MMACHC: variants seen among roughly 807,000 people sequenced by gnomAD.
MMACHC encodes the protein cyanocobalamin reductase / alkylcobalamin dealkylase.
MMACHC carries 14 observed loss-of-function variants against 17.6 expected under a neutral mutation model. That is an observed-to-expected ratio of 0.80 (90% CI 0.53 to 1.25). The LOEUF is 1.25. MMACHC is among the 50% of genes most tolerant of loss of function. MMACHC has a pLI of 0.00. For synonymous variants in MMACHC, 151 were observed against 142.1 expected (o/e 1.06, Z -0.45); for missense variants, 392 against 364.5 (o/e 1.08, Z -0.62).
At chr1:45,502,033 A>G (rs945503282) in intron 1 of MMACHC, among the ~76,000 whole-genome samples, 1 of 152,236 alleles carries the variant, frequency 6.6e-6, no homozygotes, top group East Asian at 1.9e-4. Context: ...TGATCTAAAA[A>G]TGATCATGCT....
rs1643696753 is a variant in MMACHC at position 45,509,416 on chromosome 1, G to GTTTTTTGTTTTT, written c.*207_*208insGTTTTTTTTTTT. The GTTTTTTGTTTTT allele has an allele frequency of 2.9e-6, 1 of 344,414 alleles. No individual in the cohort carries two copies. Among genetic ancestry groups the GTTTTTTGTTTTT allele is most frequent in the African/African-American group, 2.8e-5 (1 of 35,536 alleles). The allele number at this position is 344,414 out of a possible 1,614,324, so 21.3% of individuals were successfully genotyped here. Reference sequence around the variant, plus strand: ...AGAATTCCCATCTGCCTTCAAATGAGTTTTTTTTTTTTTTTTAGACAGAGT... The same window carrying GTTTTTTGTTTTT: ...AGAATTCCCATCTGCCTTCAAATGAGTTTTTTGTTTTTTTTTTTTTTTTTTTTTAGACAGAGT... On this transcript the variant is annotated 3_prime_UTR_variant, in exon 4 of 4. Coordinates refer to ENST00000401061, the MANE Select transcript of MMACHC (RefSeq NM_015506.3).
chr1:45,503,692 C>T (rs1489607803), intron 1 of MMACHC, among the ~76,000 whole-genome samples: 2 of 152,168 alleles, frequency 1.3e-5, no homozygotes, highest in Non-Finnish European at 2.9e-5. Context: ...ACAGACTTCA[C>T]TTATCTGTTA....
intron 1 of MMACHC, among the ~76,000 whole-genome samples, chr1:45,505,071 A>G (rs1419238173): frequency 1.4e-5 from 2 of 144,394 alleles, no homozygotes; most frequent in Non-Finnish European, 3.0e-5. Context: ...AGCCAACATC[A>G]TGCCACTGTA....
In MMACHC at chr1:45,512,062, T is replaced by C. The variant is rs368574876; in HGVS notation, c.*2847T>C. The C allele has an allele frequency of 4.3e-5, 6 of 140,066 alleles. No homozygotes were observed. Among genetic ancestry groups the C allele is most frequent in the African/African-American group, 1.6e-4 (6 of 38,138 alleles). The allele number at this position is 140,066 out of a possible 1,614,324, so 8.7% of individuals were successfully genotyped here. ...AAATGAGGCAAGGGGACTAATCTCTTATTTTTCTTTTTTTTTTTTTTTTTT... is the reference window on the plus strand; with the variant it reads ...AAATGAGGCAAGGGGACTAATCTCTCATTTTTCTTTTTTTTTTTTTTTTTT... On this transcript the variant is annotated 3_prime_UTR_variant, in exon 4 of 4. Transcript: ENST00000401061.
rs150550487 is a variant in MMACHC at position 45,511,315 on chromosome 1, A to G, written c.*2100A>G. On this transcript the variant is annotated 3_prime_UTR_variant, in exon 4 of 4. Coordinates refer to ENST00000401061, the MANE Select transcript of MMACHC (RefSeq NM_015506.3). ...GGCTGCCCACCGCAGCCTGGCACTA[A>G]AACAGCCCAGCGCTCACTTCTGCTT... is the stretch of plus-strand genomic sequence containing the variant. 6 of 1,597,332 alleles carry G rather than the reference A, an allele frequency of 3.8e-6. No individual in the cohort carries two copies. The East Asian group carries it at 1.4e-4, about 36-fold the overall frequency.
chr1:45,511,689 C>A lies in MMACHC; in HGVS notation c.*2474C>A. ...AAAAGGCAAAGTTTAAATAATTTGC[C>A]AACACTCTCTAATCCTTAAGGGGAA... is the stretch of plus-strand genomic sequence containing the variant. On this transcript the variant is annotated 3_prime_UTR_variant, in exon 4 of 4. Coordinates refer to ENST00000401061, the MANE Select transcript of MMACHC (RefSeq NM_015506.3). 6 of 290,608 alleles carry A rather than the reference C, an allele frequency of 2.1e-5. No individual in the cohort carries two copies. Among genetic ancestry groups the A allele is most frequent in the Non-Finnish European group, 3.2e-5 (5 of 157,410 alleles). 18.0% of individuals were successfully genotyped at this position (290,608 alleles called of 1,614,324 possible).
chr1:45,510,382 A>G lies in MMACHC; in HGVS notation c.*1167A>G, dbSNP rs1477179466. On this transcript the variant is annotated 3_prime_UTR_variant, in exon 4 of 4. Transcript: ENST00000401061. ...CCAGCTGACAGCCTCTCTGAGGACAATGACATATGAATGAGGATCAAAACG... is the reference window on the plus strand; with the variant it reads ...CCAGCTGACAGCCTCTCTGAGGACAGTGACATATGAATGAGGATCAAAACG... 6.6e-6 allele frequency: 1 copy of G among 152,194 alleles called. No homozygotes were observed. The highest frequency in any genetic ancestry group is 1.5e-5 in the Non-Finnish European group (1 of 68,042). The allele number at this position is 152,194 out of a possible 1,614,324, so 9.4% of individuals were successfully genotyped here.
rs796051996 is a variant in MMACHC, at chr1:45,508,355, G to A, written c.420G>A (p.Trp140Ter). Residue 140 changes from tryptophan (W) to a stop codon, truncating the protein, a stop_gained, in exon 3 of 4, where the codon TGG becomes TGA. Transcript: ENST00000401061. LOFTEE classifies it low-confidence loss of function (END_TRUNC). ...GACAAGATGTGGAGGCTGACCCATG[G>A]GGGAACCAGGTGAGAGGGAAAATGT... ...YQRQDVEADP[W>*]GNQRISGVCI... The A allele has an allele frequency of 7.4e-6, 12 of 1,614,070 alleles. No individual in the cohort carries two copies. The highest frequency in any genetic ancestry group is 1.3e-5 in the African/African-American group (1 of 74,928).
rs1231620127 is a variant in MMACHC at position 45,509,185 on chromosome 1, G to C, written c.819G>C (p.Arg273Ser). Residue 273 changes from arginine to serine, a missense_variant, in exon 4 of 4, where the codon AGG becomes AGC. Arg to Ser is a moderately radical substitution (Grantham distance 110, BLOSUM62 -1). Transcript: ENST00000401061. ...GAGCCCGGAGCTGGCTCAGCCCCAG[G>C]GTCTCACCACCTGCATCCCCTGGCC... ...PSRARSWLSP[R>S]VSPPASPGP The C allele has an allele frequency of 3.7e-6, 6 of 1,613,944 alleles. No homozygotes were observed. The highest frequency in any genetic ancestry group is 2.2e-5 in the East Asian group (1 of 44,864).
In MMACHC at chr1:45,509,110, G is replaced by A. The variant is rs866672378; in HGVS notation, c.744G>A (p.Pro248=). ...CAGAGAAGCCTAGTTCTCCCTCCCC[G>A]GACCTTCCCTTTACCACACCCGCCC... ...QPSEKPSSPS[P]DLPFTTPAPK... is the part of the protein sequence containing the mutation. Residue 248 remains proline (P), a synonymous_variant, in exon 4 of 4, where the codon CCG becomes CCA. Transcript: ENST00000401061. 46 of 1,612,140 alleles carry A rather than the reference G, an allele frequency of 2.9e-5. No individual in the cohort carries two copies. In the Middle Eastern group the frequency reaches 1.8e-3, roughly 64 times the overall value.
chr1:45,500,789 A>AT (rs1231173835), intron 1 of MMACHC, among the ~76,000 whole-genome samples: 5 of 149,034 alleles, frequency 3.4e-5, no homozygotes, highest in Non-Finnish European at 7.4e-5. Flanking sequence ...GCTTGAACCC[A>AT]TGAGACGGAG....
At position 45,508,879 on chromosome 1, in the gene MMACHC, G is replaced by A; in HGVS notation, c.513G>A (p.Val171=). The change falls in exon 4 of 4, where the codon GTG becomes GTA. Residue 171 remains valine (V), a synonymous_variant. Transcript: ENST00000401061. ...TAGTGCTGCTGCCAGGGATAGAGGT[G>A]CCAGATCTGCCACCCAGAAAACCTC... The part of the protein sequence containing the change: ...RGVVLLPGIE[V]PDLPPRKPHD... The A allele has an allele frequency of 6.2e-7, 1 of 1,614,206 alleles. No homozygotes were observed. Among genetic ancestry groups the A allele is most frequent in the Non-Finnish European group, 8.5e-7 (1 of 1,180,038 alleles).
intron 1 of MMACHC, among the ~76,000 whole-genome samples, chr1:45,501,833 T>G (rs1478614449): frequency 6.6e-6 from 1 of 151,946 alleles, no homozygotes; most frequent in East Asian, 1.9e-4. Context: ...CTCCTACCTC[T>G]CACCTCCCTA....
At chr1:45,506,063 G>A (rs1449569686) in intron 1 of MMACHC, among the ~76,000 whole-genome samples, 5 of 152,170 alleles carry the variant, frequency 3.3e-5, no homozygotes, top group East Asian at 3.8e-4. Context: ...CTTCAGTGAA[G>A]ACATAGCTTG....
chr1:45,505,588 C>T (rs376969139), intron 1 of MMACHC, among the ~76,000 whole-genome samples: 4 of 151,870 alleles, frequency 2.6e-5, no homozygotes, highest in Admixed American at 6.5e-5. Context: ...GCCACCGCGC[C>T]GAGCCTAAAA....
intron 2 of MMACHC, among the ~76,000 whole-genome samples, chr1:45,507,940 C>A (rs1165152971): frequency 6.6e-6 from 1 of 152,236 alleles, no homozygotes; most frequent in Admixed American, 6.5e-5. Context: ...CACACACTCA[C>A]ATATACACAT....
At position 45,512,167 on chromosome 1, in the gene MMACHC, CCTCGGT is replaced by C. The variant is rs1292102426; in HGVS notation, c.*2956_*2961del. The C allele has an allele frequency of 7.0e-6, 1 of 142,816 alleles. No homozygotes were observed. Among genetic ancestry groups the C allele is most frequent in the Non-Finnish European group, 1.5e-5 (1 of 66,120 alleles). 8.8% of individuals were successfully genotyped at this position (142,816 alleles called of 1,614,324 possible). A position where few individuals can be genotyped will look rare whatever the true frequency, so the allele number is the denominator to read the frequency against. ...AATCTCCACCTCCGTCTCACTGCAA[CCTCGGT>C]CTCCCGGGTTCAAGCGATTCTCCTG... On this transcript the variant is annotated 3_prime_UTR_variant, in exon 4 of 4. Coordinates refer to ENST00000401061, the MANE Select transcript of MMACHC (RefSeq NM_015506.3).
chr1:45,508,330 G>A lies in MMACHC; in HGVS notation c.395G>A (p.Arg132Gln), dbSNP rs369335868. ...GCTGGGGCTGCTTACTACTACCAAC[G>A]ACAAGATGTGGAGGCTGACCCATGG... is the stretch of plus-strand genomic sequence containing the variant. ...HVAGAAYYYQRQDVEADPWGN... is the reference protein window; with the variant it reads ...HVAGAAYYYQQQDVEADPWGN... Residue 132 changes from arginine (R) to glutamine (Q), a missense_variant, in exon 3 of 4, where the codon CGA becomes CAA. Arg to Gln is a conservative substitution (Grantham distance 43). Transcript: ENST00000401061. 4.5e-5 allele frequency: 72 copies of A among 1,614,036 alleles called. No individual in the cohort carries two copies. Among genetic ancestry groups the A allele is most frequent in the East Asian group, 4.2e-4 (19 of 44,892 alleles).
rs1643720094 is a variant in MMACHC at position 45,510,465 on chromosome 1, G to A, written c.*1250G>A. Reference sequence around the variant, plus strand: ...AATCCCACCATTTTGGGAGGCTGAGGCGGAGGACCGCCTGAGGCAAGGAAT... The same window carrying A: ...AATCCCACCATTTTGGGAGGCTGAGACGGAGGACCGCCTGAGGCAAGGAAT... On this transcript the variant is annotated 3_prime_UTR_variant, in exon 4 of 4. Transcript: ENST00000401061. 2 of 152,252 alleles carry A rather than the reference G, an allele frequency of 1.3e-5. No individual in the cohort carries two copies. Among genetic ancestry groups the A allele is most frequent in the African/African-American group, 4.8e-5 (2 of 41,426 alleles). 9.4% of individuals were successfully genotyped at this position (152,252 alleles called of 1,614,324 possible).
Sources: allele counts gnomAD v4.1 joint callset (sites outside exome capture counted in the v4.1 genomes callset), GRCh38; gene constraint gnomAD v4.1.1; transcripts MANE v1.5; gene names NCBI Gene and HGNC (gene_info 2026-07-23, HGNC 2026-07-21).